Variants in CTHRC1 observed in about 807,000 individuals in gnomAD.
The protein encoded by CTHRC1 is collagen triple helix repeat-containing protein 1.
In CTHRC1, 21 loss-of-function variants were observed where a neutral mutation model predicts 25.9. The ratio of observed to expected loss-of-function variants is 0.81; its 90% confidence interval spans 0.57 to 1.17. The LOEUF (loss-of-function observed/expected upper bound fraction) is 1.17. Ranked by LOEUF, CTHRC1 falls within the 50% of genes most tolerant of loss-of-function variation. The pLI is 0.00. For missense variants in CTHRC1, 281 were observed against 304.3 expected, an observed-to-expected ratio of 0.92 and a Z score of 0.57; for synonymous variants, 109 against 113.1, an observed-to-expected ratio of 0.96 and a Z score of 0.23.
At chr8:103,381,040 C>G (rs79242396) in intron 3 of CTHRC1, among the ~76,000 whole-genome samples, 320 of 152,254 alleles carry the variant, frequency 2.1e-3, no homozygotes, top group African/African-American at 7.4e-3. Context: ...AAATAGGAAG[C>G]CTAACCAGTC....
chr8:103,379,976 A>G (rs1815877203), intron 3 of CTHRC1, among the ~76,000 whole-genome samples: 1 of 152,178 alleles, frequency 6.6e-6, no homozygotes, highest in Non-Finnish European at 1.5e-5. Context: ...CGTTCAGGAG[A>G]GCAGAAACCA....
At chr8:103,376,842 T>C (rs1348112580) in intron 2 of CTHRC1, among the ~76,000 whole-genome samples, 1 of 152,260 alleles carries the variant, frequency 6.6e-6, no homozygotes, top group Non-Finnish European at 1.5e-5. Context: ...TGTTTTGTGA[T>C]AGAATTTCCA....
Position 103,382,747 on chromosome 8 carries a change from T to C in CTHRC1, c.*147T>C, listed in dbSNP as rs1486840675. On this transcript the variant is annotated 3_prime_UTR_variant, in exon 4 of 4. Transcript: ENST00000330295. ...GACCAAAGTGTGATTTCACACTGTT[T>C]TTAAATCTAGCATTATTCATTTTGC... is the stretch of plus-strand genomic sequence containing the variant. 1.2e-6 allele frequency: 1 copy of C among 802,480 alleles called. No individual in the cohort carries two copies. Among genetic ancestry groups the C allele is most frequent in the African/African-American group, 1.7e-5 (1 of 59,168 alleles). The allele number at this position is 802,480 out of a possible 1,614,324, so 49.7% of individuals were successfully genotyped here.
intron 1 of CTHRC1, chr8:103,372,407 A>G: frequency 3.5e-6 from 5 of 1,446,000 alleles, no homozygotes; most frequent in Non-Finnish European, 4.5e-6. Flanking sequence ...TTGTTGGACA[A>G]CCACAGCTGG....
At chr8:103,372,757 A>G (rs1309996386) in intron 1 of CTHRC1, 1 of 908,382 alleles carries the variant, frequency 1.1e-6, no homozygotes, top group Non-Finnish European at 1.7e-6. Context: ...TTTCAGAGCT[A>G]CCGTAGTCCT....
At chr8:103,376,392 G>C (rs1815808829) in intron 2 of CTHRC1, among the ~76,000 whole-genome samples, 1 of 152,182 alleles carries the variant, frequency 6.6e-6, no homozygotes, top group Admixed American at 6.5e-5. Flanking sequence ...CTTTATTTAG[G>C]AAGCATGCCC....
chr8:103,378,835 C>T (rs899573805), intron 3 of CTHRC1, among the ~76,000 whole-genome samples: 15 of 151,866 alleles, frequency 9.9e-5, no homozygotes, highest in African/African-American at 3.4e-4. Flanking sequence ...GGCAAGAGGG[C>T]GAAACCCCAT....
chr8:103,381,955 G>A (rs1277623260), intron 3 of CTHRC1, among the ~76,000 whole-genome samples: 5 of 151,336 alleles, frequency 3.3e-5, no homozygotes, highest in Admixed American at 6.6e-5. Flanking sequence ...CTGAGATTGC[G>A]CCAGTGCACT....
intron 3 of CTHRC1, among the ~76,000 whole-genome samples, chr8:103,381,484 AGACTT>A (rs1815909370): frequency 3.4e-5 from 2 of 59,226 alleles, no homozygotes; most frequent in South Asian, 1.1e-3. Flanking sequence ...ATTTAAGAGA[AGACTT>A]TGGTAAGATG....
intron 1 of CTHRC1, among the ~76,000 whole-genome samples, chr8:103,372,079 A>C (rs1344493757): frequency 1.1e-4 from 16 of 151,492 alleles, no homozygotes. Context: ...GTCTCCCCGA[A>C]GTACAGGGAG....
intron 2 of CTHRC1, among the ~76,000 whole-genome samples, chr8:103,377,639 T>A (rs1222758785): frequency 6.6e-6 from 1 of 152,236 alleles, no homozygotes; most frequent in Non-Finnish European, 1.5e-5. Context: ...AGTCTCACTT[T>A]TTTGCCCAGG....
intron 3 of CTHRC1, among the ~76,000 whole-genome samples, chr8:103,378,484 CTG>C (rs1373098229): frequency 6.6e-6 from 1 of 152,204 alleles, no homozygotes; most frequent in Non-Finnish European, 1.5e-5. Context: ...ACCACAGCTT[CTG>C]TGTTTTTTAA....
rs1815937356 is a variant in CTHRC1, at chr8:103,382,791, C to A, written c.*191C>A. On this transcript the variant is annotated 3_prime_UTR_variant, in exon 4 of 4. Transcript: ENST00000330295. ...ATTTTGCTTCAATCAAAAGTGGTTT[C>A]AATATTTTTTTTAGTTGGTTAGAAT... 3 of 612,188 alleles carry A rather than the reference C, an allele frequency of 4.9e-6. No individual in the cohort carries two copies. Among genetic ancestry groups the A allele is most frequent in the African/African-American group, 3.7e-5 (2 of 54,278 alleles). The allele number at this position is 612,188 out of a possible 1,614,324, so 37.9% of individuals were successfully genotyped here. A position where few individuals can be genotyped will look rare whatever the true frequency, so the allele number is the denominator to read the frequency against.
intron 1 of CTHRC1, 91 bp downstream of exon 1, chr8:103,371,897 G>C (rs1452934571): frequency 1.5e-6 from 2 of 1,296,206 alleles, no homozygotes; most frequent in African/African-American, 1.6e-5. Context: ...CTGGCTGTTG[G>C]GGGTGTCTGT....
rs1815791423 is a variant in CTHRC1 at position 103,375,742 on chromosome 8, AT to A, written c.156del (p.Asn52LysfsTer43). On this transcript the variant is annotated frameshift_variant, in exon 2 of 4. Transcript: ENST00000330295. LOFTEE classifies it high-confidence loss of function. ...LRQREVVDLY[N>X]GMCLQGPAGV... ...GCCTTTTCTTTCTCATTATAGTATA[AT>A]GGAATGTGCTTACAAGGGCCAGCAG... 1.2e-6 allele frequency: 2 copies of A among 1,613,568 alleles called. No individual in the cohort carries two copies. The highest frequency in any genetic ancestry group is 2.7e-5 in the African/African-American group (2 of 75,020).
At chr8:103,381,328 GAGTGAGCAAACTA>G (rs1815906900) in intron 3 of CTHRC1, among the ~76,000 whole-genome samples, 4 of 140,352 alleles carry the variant, frequency 2.8e-5, no homozygotes, top group African/African-American at 1.1e-4. Flanking sequence ...TCCCACTTAT[GAGTGAGCAAACTA>G]TCACAAGGAC....
rs527395911 is a variant in CTHRC1 at position 103,372,184 on chromosome 8, G to A, written c.150+378G>A. Among the ~76,000 whole-genome samples the A allele has an allele frequency of 3.3e-5, 5 of 152,262 alleles. No individual in the cohort carries two copies. In the East Asian group the frequency reaches 9.7e-4, roughly 29 times the overall value. ...TAGGATGAGGAGCTTGGGTACGTCCGAAGTGGACCTGGGAAAAACCCTGGC... is the reference window on the plus strand; with the variant it reads ...TAGGATGAGGAGCTTGGGTACGTCCAAAGTGGACCTGGGAAAAACCCTGGC... On this transcript the variant is annotated intron_variant, in intron 1 of 3. Transcript: ENST00000330295.
Position 103,372,477 on chromosome 8 carries a change from A to G in CTHRC1, c.150+671A>G. The G allele has an allele frequency of 2.5e-6, 4 of 1,589,460 alleles. No homozygotes were observed. In the South Asian group the frequency reaches 4.4e-5, roughly 18 times the overall value. ...AGGGAAATGAAGGGGCCCGGCGCTA[A>G]CCCTCTAAGGACCTGTTTTGCTTCT... On this transcript the variant is annotated intron_variant, in intron 1 of 3. Coordinates refer to ENST00000330295, the MANE Select transcript of CTHRC1 (RefSeq NM_138455.4).
intron 1 of CTHRC1, among the ~76,000 whole-genome samples, chr8:103,374,492 G>GAA (rs1815770054): frequency 6.6e-6 from 1 of 152,162 alleles, no homozygotes; most frequent in South Asian, 2.1e-4. Flanking sequence ...ACCAATTCAG[G>GAA]TGTAGACACA....
Sources: allele counts gnomAD v4.1 joint callset (sites outside exome capture counted in the v4.1 genomes callset), GRCh38; gene constraint gnomAD v4.1.1; transcripts MANE v1.5; gene names NCBI Gene and HGNC (gene_info 2026-07-23, HGNC 2026-07-21).